The following PARS2 variants were observed in gnomAD, a reference collection of about 807,000 sequenced individuals.
PARS2 encodes prolyl-tRNA synthetase 2, mitochondrial, also known as probable proline--tRNA ligase, mitochondrial.
Under a neutral mutation model 27.4 loss-of-function variants are expected in PARS2, and 20 were observed. The observed-to-expected ratio is 0.73, with a 90% CI of 0.51 to 1.06. PARS2 has a LOEUF of 1.06. Ranked by LOEUF, PARS2 falls within the 50% of genes least tolerant of loss-of-function variation. The pLI is 0.00. For synonymous variants in PARS2, 240 were observed against 247.1 expected (o/e 0.97, Z 0.27); for missense variants, 585 against 602.1 (o/e 0.97, Z 0.30).
chr1:54,761,218 C>A (rs976680200), intron 1 of PARS2, among the ~76,000 whole-genome samples: 1 of 152,190 alleles, frequency 6.6e-6, no homozygotes, highest in African/African-American at 2.4e-5. Context: ...CCCCATACCC[C>A]CAAAGGGCTG....
Position 54,758,495 on chromosome 1 carries a change from A to C in PARS2, c.667T>G (p.Tyr223Asp). 6.2e-7 allele frequency: 1 copy of C among 1,614,150 alleles called. No individual in the cohort carries two copies. Among genetic ancestry groups the C allele is most frequent in the Middle Eastern group, 1.6e-4 (1 of 6,062 alleles). ...DSSPEAAQQT[Y>D]SLVCDAYCSL... Reference sequence around the variant, plus strand: ...CAGTAGGCATCACACACCAGGCTGTAGGTCTGCTGGGCAGCCTCTGGGGAG... The same window carrying C: ...CAGTAGGCATCACACACCAGGCTGTCGGTCTGCTGGGCAGCCTCTGGGGAG... Residue 223 changes from tyrosine to aspartate, a missense_variant, in exon 2 of 2, where the codon TAC becomes GAC. Transcript: ENST00000371279.
In PARS2 at chr1:54,757,128, ATCTAGT is replaced by A. The variant is rs1646124166; in HGVS notation, c.*600_*605del. 6.6e-6 allele frequency: 1 copy of A among 152,236 alleles called. No homozygotes were observed. Among genetic ancestry groups the A allele is most frequent in the African/African-American group, 2.4e-5 (1 of 41,436 alleles). 9.4% of individuals were successfully genotyped at this position (152,236 alleles called of 1,614,324 possible). A position where few individuals can be genotyped will look rare whatever the true frequency, so the allele number is the denominator to read the frequency against. On this transcript the variant is annotated 3_prime_UTR_variant, in exon 2 of 2. Coordinates refer to ENST00000371279, the MANE Select transcript of PARS2 (RefSeq NM_152268.4). ...ACAGATCTAGTTCCAGACTTTACAG[ATCTAGT>A]TCTATTTTCTCAAGTTACAGATGGG...
chr1:54,757,709 G>T lies in PARS2; in HGVS notation c.*25C>A, dbSNP rs1480625348. 6.7e-7 allele frequency: 1 copy of T among 1,501,836 alleles called. No homozygotes were observed. Among genetic ancestry groups the T allele is most frequent in the East Asian group, 2.3e-5 (1 of 44,112 alleles). The allele number at this position is 1,501,836 out of a possible 1,614,324, so 93.0% of individuals were successfully genotyped here. A position where few individuals can be genotyped will look rare whatever the true frequency, so the allele number is the denominator to read the frequency against. ...TAGAACGAACACCAAGGCTGCAAAT[G>T]GGGGCAGGGGTGGGCTGGGGGCATT... On this transcript the variant is annotated 3_prime_UTR_variant, in exon 2 of 2. Coordinates refer to ENST00000371279, the MANE Select transcript of PARS2 (RefSeq NM_152268.4).
At position 54,758,794 on chromosome 1, in the gene PARS2, C is replaced by T. The variant is rs1247681591; in HGVS notation, c.368G>A (p.Ser123Asn). The change falls in exon 2 of 2, where the codon AGC (serine) becomes AAC (asparagine). Residue 123 changes from serine to asparagine, a missense_variant. Transcript: ENST00000371279. ...GGQKVNMPSL[S>N]PAELWQATNR... ...GGTGGCTTGCCAGAGCTCTGCCGGGCTGAGGCTGGGCATGTTGACTTTCTG... is the reference window on the plus strand; with the variant it reads ...GGTGGCTTGCCAGAGCTCTGCCGGGTTGAGGCTGGGCATGTTGACTTTCTG... 2.5e-6 allele frequency: 4 copies of T among 1,614,028 alleles called. No individual in the cohort carries two copies. The highest frequency in any genetic ancestry group is 3.4e-6 in the Non-Finnish European group (4 of 1,180,024).
At chr1:54,762,136 G>GTT (rs35646933) in intron 1 of PARS2, among the ~76,000 whole-genome samples, 1,790 of 128,640 alleles carry the variant, frequency 0.014, 64 homozygotes, top group South Asian at 0.12. Flanking sequence ...TGGAGGGCTT[G>GTT]TTTTTTTTTT....
Position 54,758,596 on chromosome 1 carries a change from C to T in PARS2, c.566G>A (p.Arg189Gln), listed in dbSNP as rs199529531. The T allele has an allele frequency of 2.4e-5, 39 of 1,614,058 alleles. No homozygotes were observed. Among genetic ancestry groups the T allele is most frequent in the African/African-American group, 4.0e-5 (3 of 74,906 alleles). Residue 189 changes from arginine (R) to glutamine (Q), a missense_variant, in exon 2 of 2, where the codon CGG becomes CAG. Physicochemically the swap from Arg to Gln is conservative, Grantham distance 43. Coordinates refer to ENST00000371279, the MANE Select transcript of PARS2 (RefSeq NM_152268.4). The part of the protein sequence containing the change: ...FLLYQVTRKF[R>Q]DEPRPRFGLL... ...ACCAAAGCGGGGCCTGGGCTCATCC[C>T]GAAACTTCCTTGTCACTTGGTACAG...
At chr1:54,762,530 C>A (rs925100392) in intron 1 of PARS2, among the ~76,000 whole-genome samples, 1 of 152,224 alleles carries the variant, frequency 6.6e-6, no homozygotes. Context: ...GTATTTCTAA[C>A]AAGTTCCCAG....
intron 1 of PARS2, among the ~76,000 whole-genome samples, chr1:54,762,117 C>T (rs1646160947): frequency 6.6e-6 from 1 of 151,074 alleles, no homozygotes; most frequent in Non-Finnish European, 1.5e-5. Context: ...AATTGAGCAT[C>T]AGAATCGCTG....
intron 1 of PARS2, among the ~76,000 whole-genome samples, chr1:54,761,542 G>A (rs61768812): frequency 0.096 from 14,572 of 152,252 alleles, 961 homozygotes; most frequent in Non-Finnish European, 0.14. Context: ...TGGGAGAGGC[G>A]TTGAAGAATG....
In PARS2 at chr1:54,758,378, G is replaced by T; in HGVS notation, c.784C>A (p.Pro262Thr). The T allele has an allele frequency of 6.2e-7, 1 of 1,614,160 alleles. No homozygotes were observed. The highest frequency in any genetic ancestry group is 8.5e-7 in the Non-Finnish European group (1 of 1,180,020). Residue 262 changes from proline (P) to threonine (T), a missense_variant, in exon 2 of 2, where the codon CCA becomes ACA. Transcript: ENST00000371279. ...GGTVSHEFQLPVDIGEDRLAI... is the reference protein window; with the variant it reads ...GGTVSHEFQLTVDIGEDRLAI... ...AGCCGGTCCTCTCCAATATCCACTG[G>T]GAGCTGGAACTCATGAGACACTGTG... is the stretch of plus-strand genomic sequence containing the variant.
chr1:54,761,818 G>A (rs1016431764), intron 1 of PARS2, among the ~76,000 whole-genome samples: 1 of 152,152 alleles, frequency 6.6e-6, no homozygotes, highest in Non-Finnish European at 1.5e-5. Flanking sequence ...GTTTAAAGGT[G>A]GTCAGGCACT....
chr1:54,760,588 TCTATA>T (rs1340997751), intron 1 of PARS2, among the ~76,000 whole-genome samples: 2 of 152,162 alleles, frequency 1.3e-5, no homozygotes, highest in East Asian at 3.9e-4. Flanking sequence ...CAATCCATTC[TCTATA>T]CTGCAGCCAC....
At position 54,757,793 on chromosome 1, in the gene PARS2, C is replaced by T. The variant is rs1646128911; in HGVS notation, c.1369G>A (p.Val457Met). The part of the protein sequence containing the change: ...FEVWCQNTGE[V>M]AFLTKDGVMD... Reference sequence around the variant, plus strand: ...ACTCCATCTTTGGTGAGGAAGGCCACCTCACCAGTGTTCTGACACCAAACC... The same window carrying T: ...ACTCCATCTTTGGTGAGGAAGGCCATCTCACCAGTGTTCTGACACCAAACC... Residue 457 changes from valine (V) to methionine (M), a missense_variant, in exon 2 of 2, where the codon GTG becomes ATG. By Grantham distance (21) the Val-to-Met change is conservative (BLOSUM62 1). Coordinates refer to ENST00000371279, the MANE Select transcript of PARS2 (RefSeq NM_152268.4). 1 of 1,613,970 alleles carries T rather than the reference C, an allele frequency of 6.2e-7. No individual in the cohort carries two copies. The highest frequency in any genetic ancestry group is 1.1e-5 in the South Asian group (1 of 91,066).
In PARS2 at chr1:54,757,115, C is replaced by A. The variant is rs1324715429; in HGVS notation, c.*619G>T. ...CTATAAGGACGTTACAGATCTAGTT[C>A]CAGACTTTACAGATCTAGTTCTATT... On this transcript the variant is annotated 3_prime_UTR_variant, in exon 2 of 2. Coordinates refer to ENST00000371279, the MANE Select transcript of PARS2 (RefSeq NM_152268.4). 1 of 152,196 alleles carries A rather than the reference C, an allele frequency of 6.6e-6. No homozygotes were observed. Among genetic ancestry groups the A allele is most frequent in the Non-Finnish European group, 1.5e-5 (1 of 68,104 alleles). 9.4% of individuals were successfully genotyped at this position (152,196 alleles called of 1,614,324 possible).
chr1:54,759,061 G>C lies in PARS2; in HGVS notation c.101C>G (p.Pro34Arg), dbSNP rs1442861800. The C allele has an allele frequency of 1.9e-6, 3 of 1,613,988 alleles. No individual in the cohort carries two copies. The highest frequency in any genetic ancestry group is 2.5e-6 in the Non-Finnish European group (3 of 1,179,998). Residue 34 changes from proline (P) to arginine (R), a missense_variant, in exon 2 of 2, where the codon CCA becomes CGA. Physicochemically the swap from Pro to Arg is moderately radical, Grantham distance 103 (BLOSUM62 -2). Transcript: ENST00000371279. ...CAGCAGCAGGCGCCGCCCTCTTCTT[G>C]GGGCACAGTGGTGAAACCTGCAAGG... The part of the protein sequence containing the change: ...YVPCRFHHCA[P>R]RRGRRLLLSR...
chr1:54,760,755 C>T (rs927799935), intron 1 of PARS2, among the ~76,000 whole-genome samples: 2 of 152,092 alleles, frequency 1.3e-5, no homozygotes, highest in Non-Finnish European at 2.9e-5. Context: ...CCACTGCCCC[C>T]TCTCTGATCA....
chr1:54,762,202 A>G (rs547980960), intron 1 of PARS2, among the ~76,000 whole-genome samples: 1 of 150,558 alleles, frequency 6.6e-6, no homozygotes, highest in South Asian at 2.1e-4. Context: ...CAGTGGTGCA[A>G]TGTCAGATCA....
rs761939434 is a variant in PARS2, at chr1:54,758,586, G to A, written c.576C>T (p.Pro192=). The A allele has an allele frequency of 3.8e-5, 62 of 1,614,120 alleles. 1 individual carries two copies. In the South Asian group the frequency reaches 6.7e-4, roughly 17 times the overall value. Residue 192 remains proline, a synonymous_variant, in exon 2 of 2, where the codon CCC becomes CCT. Transcript: ENST00000371279. The part of the protein sequence containing the change: ...YQVTRKFRDE[P]RPRFGLLRGR... ...CACGGAGAAGACCAAAGCGGGGCCT[G>A]GGCTCATCCCGAAACTTCCTTGTCA...
rs957313936 is a variant in PARS2, at chr1:54,758,793, G to A, written c.369C>T (p.Ser123=). 6.2e-7 allele frequency: 1 copy of A among 1,614,100 alleles called. No individual in the cohort carries two copies. ...TGGTGGCTTGCCAGAGCTCTGCCGG[G>A]CTGAGGCTGGGCATGTTGACTTTCT... The part of the protein sequence containing the change: ...GGQKVNMPSL[S]PAELWQATNR... The change falls in exon 2 of 2, where the codon AGC becomes AGT. Residue 123 remains serine, a synonymous_variant. Transcript: ENST00000371279.
Sources: allele counts gnomAD v4.1 joint callset (sites outside exome capture counted in the v4.1 genomes callset), GRCh38; gene constraint gnomAD v4.1.1; transcripts MANE v1.5; gene names NCBI Gene and HGNC (gene_info 2026-07-23, HGNC 2026-07-21).